The following LRP5 variants were observed in gnomAD, a reference collection of about 807,000 sequenced individuals.
LRP5 encodes low-density lipoprotein receptor-related protein 5.
A neutral mutation model predicts 154.1 loss-of-function variants in LRP5; 62 were observed. The observed-to-expected ratio is 0.40, with a 90% CI of 0.33 to 0.50. The LOEUF (loss-of-function observed/expected upper bound fraction) is 0.50, where lower values mean the gene tolerates loss of function less well. LRP5 is among the 20% of genes least tolerant of loss of function. The pLI is 0.55. For synonymous variants in LRP5, 966 were observed against 1,011.5 expected (o/e 0.96, Z 0.85); for missense variants, 1,915 against 2,336.7 (o/e 0.82, Z 3.72).
Position 68,403,406 on chromosome 11 carries a change from G to A in LRP5, c.1585-77G>A, listed in dbSNP as rs564872158. On this transcript the variant is annotated intron_variant, in intron 7 of 22. Coordinates refer to ENST00000294304, the MANE Select transcript of LRP5 (RefSeq NM_002335.4). ...ACCCGTCTTGTTTGGGGCAGCTCAGGCCCCAGGCAGGGTCCGGGTTGGCTC... is the reference window on the plus strand; with the variant it reads ...ACCCGTCTTGTTTGGGGCAGCTCAGACCCCAGGCAGGGTCCGGGTTGGCTC... 3.2e-5 allele frequency: 42 copies of A among 1,321,556 alleles called. No individual in the cohort carries two copies. The East Asian group carries it at 9.0e-4, about 28-fold the overall frequency. 81.9% of individuals were successfully genotyped at this position (1,321,556 alleles called of 1,614,324 possible).
chr11:68,436,569 G>A (rs908851273), intron 18 of LRP5, among the ~76,000 whole-genome samples: 1 of 151,190 alleles, frequency 6.6e-6, no homozygotes, highest in Admixed American at 6.6e-5. Flanking sequence ...CCACCAACCT[G>A]GTAGAGCCTT....
In LRP5 at chr11:68,425,162, C is replaced by G. The variant is rs17149104; in HGVS notation, c.3297C>G (p.Asp1099Glu). The G allele has an allele frequency of 1.2e-6, 2 of 1,613,550 alleles. No homozygotes were observed. Among genetic ancestry groups the G allele is most frequent in the African/African-American group, 2.7e-5 (2 of 74,888 alleles). ...RAAKIERAAL[D>E]GTEREVLFTT... ...CCAAGATCGAACGCGCAGCCCTGGA[C>G]GGCACCGAGCGCGAGGTCCTCTTCA... Residue 1099 changes from aspartate (D) to glutamate (E), a missense_variant, in exon 15 of 23, where the codon GAC (aspartate) becomes GAG (glutamate). Around this residue, in one of 3 missense-constraint regions of LRP5, gnomAD observed 1,094 missense variants for 1,210.1 expected, o/e 0.90. Coordinates refer to ENST00000294304, the MANE Select transcript of LRP5 (RefSeq NM_002335.4).
chr11:68,432,213 G>T (rs1416718447), intron 17 of LRP5, among the ~76,000 whole-genome samples: 4 of 152,198 alleles, frequency 2.6e-5, no homozygotes, highest in African/African-American at 9.7e-5. Context: ...GAGAGTCGAG[G>T]TCGGAGGCTT....
chr11:68,449,215 A>AG lies in LRP5; in HGVS notation c.*148dup. ...AAATGTGAACTGTGATGGGGTGGGC[A>AG]GGGCTGGGAGAACTTTGTACAGTGG... On this transcript the variant is annotated 3_prime_UTR_variant, in exon 23 of 23. Transcript: ENST00000294304. 3.4e-6 allele frequency: 1 copy of AG among 296,222 alleles called. No homozygotes were observed. The highest frequency in any genetic ancestry group is 7.2e-5 in the East Asian group (1 of 13,896). The allele number at this position is 296,222 out of a possible 1,614,324, so 18.3% of individuals were successfully genotyped here. A position where few individuals can be genotyped will look rare whatever the true frequency, so the allele number is the denominator to read the frequency against.
chr11:68,326,412 A>G lies in LRP5; in HGVS notation c.91+13607A>G, dbSNP rs1171212301. On this transcript the variant is annotated intron_variant, in intron 1 of 22. Coordinates refer to ENST00000294304, the MANE Select transcript of LRP5 (RefSeq NM_002335.4). ...CCAGCAGCCCTTTCTGGCCCCCTGCATCAGCGCCTCCCCACTCAGCTTCAC... is the reference window on the plus strand; with the variant it reads ...CCAGCAGCCCTTTCTGGCCCCCTGCGTCAGCGCCTCCCCACTCAGCTTCAC... Among the ~76,000 whole-genome samples, 7 of 152,290 alleles carry G rather than the reference A, an allele frequency of 4.6e-5. No homozygotes were observed. In the East Asian group the frequency reaches 7.7e-4, roughly 17 times the overall value.
At chr11:68,319,562 C>G (rs530364396) in intron 1 of LRP5, among the ~76,000 whole-genome samples, 208 of 152,144 alleles carry the variant, frequency 1.4e-3, no homozygotes, top group African/African-American at 4.8e-3. Context: ...CACTATTGCC[C>G]AGCTCCTGGC....
chr11:68,349,334 A>C (rs1457880340), intron 2 of LRP5, among the ~76,000 whole-genome samples: 1 of 152,048 alleles, frequency 6.6e-6, no homozygotes, highest in Non-Finnish European at 1.5e-5. Context: ...TGCCTGGCCC[A>C]TAGTTATGTT....
intron 7 of LRP5, among the ~76,000 whole-genome samples, chr11:68,393,848 G>A (rs992017450): frequency 6.6e-6 from 1 of 152,324 alleles, no homozygotes; most frequent in African/African-American, 2.4e-5. Context: ...CCTAGTGGGT[G>A]TCCCATGTGG....
chr11:68,433,955 G>T (rs931065604), intron 18 of LRP5, 117 bp downstream of exon 18: 4 of 991,978 alleles, frequency 4.0e-6, no homozygotes, highest in Non-Finnish European at 6.2e-6. Context: ...TGCTTGCAGG[G>T]AGATTGCCAA....
chr11:68,427,970 ATTTTT>A (rs149733819), intron 16 of LRP5, among the ~76,000 whole-genome samples: 8,895 of 136,642 alleles, frequency 0.065, 743 homozygotes, highest in African/African-American at 0.2. Context: ...ATTTTATTTT[ATTTTT>A]TTTATTTATT....
At chr11:68,379,649 T>G (rs942359881) in intron 5 of LRP5, among the ~76,000 whole-genome samples, 1 of 152,246 alleles carries the variant, frequency 6.6e-6, no homozygotes, top group Non-Finnish European at 1.5e-5. Flanking sequence ...GGTTTTGGTG[T>G]TGTCCCTATT....
chr11:68,404,036 C>T (rs2098654168), intron 8 of LRP5: 2 of 458,428 alleles, frequency 4.4e-6, no homozygotes, highest in African/African-American at 2.0e-5. Flanking sequence ...CACTGGGGAG[C>T]AGGACGCAGA....
chr11:68,365,784 A>G, intron 5 of LRP5, 82 bp downstream of exon 5: 1 of 1,385,378 alleles, frequency 7.2e-7, no homozygotes, highest in Non-Finnish European at 9.7e-7. Context: ...GGTGCCCCAG[A>G]AGGAACCTCG....
Position 68,436,969 on chromosome 11 carries a change from T to G in LRP5, c.4081T>G (p.Cys1361Gly), listed in dbSNP as rs80358320. Residue 1361 changes from cysteine to glycine, a missense_variant, in exon 19 of 23, where the codon TGT becomes GGT. Around this residue, in one of 3 missense-constraint regions of LRP5, gnomAD observed 1,094 missense variants for 1,210.1 expected, o/e 0.90. Coordinates refer to ENST00000294304, the MANE Select transcript of LRP5 (RefSeq NM_002335.4). The stretch of plus-strand genomic sequence containing the variant: ...ACAGCAGTGCGACTCCTTCCCCGAC[T>G]GTATCGACGGCTCCGACGAGCTCAT... ...IKQQCDSFPD[C>G]IDGSDELMCE... 65 of 1,613,702 alleles carry G rather than the reference T, an allele frequency of 4.0e-5. No individual in the cohort carries two copies. Among genetic ancestry groups the G allele is most frequent in the Non-Finnish European group, 5.3e-5 (62 of 1,179,932 alleles).
At chr11:68,409,162 TA>T (rs1168571540) in intron 9 of LRP5, among the ~76,000 whole-genome samples, 1 of 132,550 alleles carries the variant, frequency 7.5e-6, no homozygotes, top group Admixed American at 8.2e-5. Context: ...ATATATAATA[TA>T]AAAATATATA....
chr11:68,335,596 T>C (rs2098605273), intron 1 of LRP5, among the ~76,000 whole-genome samples: 1 of 152,064 alleles, frequency 6.6e-6, no homozygotes, highest in Admixed American at 6.5e-5. Flanking sequence ...ATATTGTTGA[T>C]TCATTAACAT....
intron 1 of LRP5, among the ~76,000 whole-genome samples, chr11:68,331,885 A>T (rs556506623): frequency 3.3e-5 from 5 of 152,222 alleles, no homozygotes; most frequent in Non-Finnish European, 5.9e-5. Context: ...TCCAGGTTGC[A>T]TTGAGAGCCG....
intron 5 of LRP5, among the ~76,000 whole-genome samples, chr11:68,370,361 G>T (rs1235338073): frequency 6.6e-6 from 1 of 152,010 alleles, no homozygotes; most frequent in Admixed American, 6.6e-5. Flanking sequence ...GCGGGGGAGA[G>T]GGGGGGACAG....
intron 1 of LRP5, among the ~76,000 whole-genome samples, chr11:68,319,128 G>A (rs2098595270): frequency 6.8e-6 from 1 of 146,990 alleles, no homozygotes; most frequent in Non-Finnish European, 1.5e-5. Context: ...CCAGGATGGA[G>A]TGCGGTGGCA....
Sources: gnomAD v4.1 joint callset for allele counts (sites outside exome capture counted in the v4.1 genomes callset) on GRCh38, gnomAD v4.1.1 for gene constraint, gnomAD v4.1.1 regional missense constraint, MANE v1.5 for transcripts, NCBI Gene and HGNC (gene_info 2026-07-23, HGNC 2026-07-21) for gene names.